Variants in NRXN1 observed in about 807,000 individuals in gnomAD.
NRXN1 encodes the protein neurexin-1.
A neutral mutation model predicts 150.9 loss-of-function variants in NRXN1; 39 were observed. That is an observed-to-expected ratio of 0.26 (90% CI 0.20 to 0.34). The LOEUF is 0.34. NRXN1 is among the 10% of genes least tolerant of loss of function. The pLI is 1.00. For missense variants in NRXN1, 1,815 were observed against 1,949.9 expected (o/e 0.93, Z 1.30); for synonymous variants, 924 against 757.0 (o/e 1.22, Z -3.62).
intron 17 of NRXN1, among the ~76,000 whole-genome samples, chr2:50,426,586 G>C (rs1465405615): frequency 6.6e-6 from 1 of 152,174 alleles, no homozygotes; most frequent in African/African-American, 2.4e-5. Context: ...GCATATCTGA[G>C]TTCTTCCAGG....
At position 50,664,396 on chromosome 2, in the gene NRXN1, CGTGTGTGT is replaced by C. The variant is rs35702112; in HGVS notation, c.833-40789_833-40782del. ...ACTTTTGAGAATTCAAAGTTTAAAG[CGTGTGTGT>C]GTGTGTGTGTGTGTGTGTGTGTGTG... On this transcript the variant is annotated intron_variant, in intron 5 of 22. Transcript: ENST00000401669. 4.5e-3 allele frequency among the ~76,000 whole-genome samples: 489 copies of C among 108,070 alleles called. 2 individuals carry two copies. The highest frequency in any genetic ancestry group is 0.015 in the African/African-American group (430 of 29,030). The allele number at this position is 108,070 out of a possible 152,430, so 70.9% of individuals were successfully genotyped here.
At chr2:50,249,182 G>A (rs2066803778) in intron 17 of NRXN1, among the ~76,000 whole-genome samples, 1 of 150,890 alleles carries the variant, frequency 6.6e-6, no homozygotes, top group Admixed American at 6.6e-5. Flanking sequence ...ATGAAATATT[G>A]TGGTTATGAT....
chr2:50,032,719 T>C (rs1689362506), intron 21 of NRXN1, among the ~76,000 whole-genome samples: 1 of 151,802 alleles, frequency 6.6e-6, no homozygotes, highest in Non-Finnish European at 1.5e-5. Context: ...GGTGTCCTTA[T>C]GAGAATAAAA....
At chr2:50,596,820 TG>T (rs531476599) in intron 8 of NRXN1, among the ~76,000 whole-genome samples, 104 of 151,206 alleles carry the variant, frequency 6.9e-4, no homozygotes, top group African/African-American at 2.5e-3. Flanking sequence ...CTATTTGGAT[TG>T]CTCCTCAGGT....
At chr2:50,632,575 C>A (rs1159706353) in intron 5 of NRXN1, 2 of 151,912 alleles carry the variant, frequency 1.3e-5, no homozygotes, top group Non-Finnish European at 1.5e-5. Context: ...GTATTGTAAC[C>A]CGATCCCCAA....
intron 21 of NRXN1, among the ~76,000 whole-genome samples, chr2:50,042,015 T>A (rs1691050026): frequency 6.6e-6 from 1 of 152,224 alleles, no homozygotes; most frequent in East Asian, 1.9e-4. Context: ...TAAATTGAAA[T>A]GGGAATTTTG....
chr2:50,195,488 T>G (rs2152827584), intron 18 of NRXN1, among the ~76,000 whole-genome samples: 1 of 152,312 alleles, frequency 6.6e-6, no homozygotes, highest in Middle Eastern at 3.4e-3. Flanking sequence ...ATTATAACAC[T>G]TTTTTCTTTT....
chr2:49,965,993 A>G (rs1481752634), intron 21 of NRXN1, among the ~76,000 whole-genome samples: 2 of 152,186 alleles, frequency 1.3e-5, no homozygotes, highest in Non-Finnish European at 2.9e-5. Context: ...ATTTTACACC[A>G]CAGTGTTCTT....
rs183268514 is a variant in NRXN1 at position 50,742,978 on chromosome 2, G to A, written c.833-119363C>T. ...AACAAGTGAAGAGACAATGTTCAAG[G>A]TCACTAGAACTTGCTGTAGCACATG... On this transcript the variant is annotated intron_variant, in intron 5 of 22. Transcript: ENST00000401669. Among the ~76,000 whole-genome samples, 236 of 152,242 alleles carry A rather than the reference G, an allele frequency of 1.6e-3. 2 individuals are homozygous for A. Among genetic ancestry groups the A allele is most frequent in the Non-Finnish European group, 2.6e-3 (176 of 68,016 alleles).
chr2:50,259,524 G>A (rs2068042487), intron 17 of NRXN1, among the ~76,000 whole-genome samples: 1 of 151,734 alleles, frequency 6.6e-6, no homozygotes, highest in African/African-American at 2.4e-5. Context: ...TTAGTATCCT[G>A]CTAATTAATC....
intron 17 of NRXN1, among the ~76,000 whole-genome samples, chr2:50,298,787 T>G (rs930797586): frequency 6.6e-6 from 1 of 152,214 alleles, no homozygotes; most frequent in Non-Finnish European, 1.5e-5. Context: ...TGTAGCTTAG[T>G]TGTCTGTGGA....
chr2:50,700,797 G>C (rs963004060), intron 5 of NRXN1, among the ~76,000 whole-genome samples: 1 of 148,350 alleles, frequency 6.7e-6, no homozygotes, highest in Non-Finnish European at 1.5e-5. Context: ...AAAGAGCTGG[G>C]ATCAAGATTT....
intron 5 of NRXN1, among the ~76,000 whole-genome samples, chr2:50,880,998 G>C (rs1190539731): frequency 1.3e-5 from 2 of 151,874 alleles, no homozygotes; most frequent in African/African-American, 4.8e-5. Flanking sequence ...AAGAGATATA[G>C]ACCAGATTTG....
At chr2:50,962,984 CT>C (rs1693453523) in intron 2 of NRXN1, among the ~76,000 whole-genome samples, 1 of 151,632 alleles carries the variant, frequency 6.6e-6, no homozygotes, top group South Asian at 2.1e-4. Flanking sequence ...TAAGGAATGT[CT>C]CTCTGAAGTA....
intron 5 of NRXN1, among the ~76,000 whole-genome samples, chr2:50,723,275 A>G (rs1167577715): frequency 3.3e-5 from 5 of 152,188 alleles, no homozygotes; most frequent in Non-Finnish European, 7.3e-5. Context: ...ATATTTGACC[A>G]CAGTCTAAAA....
intron 9 of NRXN1, among the ~76,000 whole-genome samples, chr2:50,540,889 T>C (rs1324173377): frequency 6.6e-6 from 1 of 152,172 alleles, no homozygotes; most frequent in East Asian, 1.9e-4. Context: ...CTTGAATTCA[T>C]GGCCTCAAGT....
chr2:50,626,542 A>C (rs1681111890), intron 5 of NRXN1, among the ~76,000 whole-genome samples: 2 of 151,984 alleles, frequency 1.3e-5, no homozygotes, highest in Non-Finnish European at 2.9e-5. Flanking sequence ...TAGTCAATAA[A>C]GGTTACTGGG....
intron 5 of NRXN1, among the ~76,000 whole-genome samples, chr2:50,905,618 C>G (rs1177354767): frequency 1.3e-5 from 2 of 152,080 alleles, no homozygotes; most frequent in Admixed American, 1.3e-4. Flanking sequence ...ACTGTTCTTT[C>G]TTTCAGGTGT....
At chr2:50,781,846 T>C (rs533580444) in intron 5 of NRXN1, among the ~76,000 whole-genome samples, 1 of 152,298 alleles carries the variant, frequency 6.6e-6, no homozygotes, top group South Asian at 2.1e-4. Flanking sequence ...GGTTGAGTTA[T>C]TCAGCATGCT....
Sources: allele counts gnomAD v4.1 joint callset (sites outside exome capture counted in the v4.1 genomes callset), GRCh38; gene constraint gnomAD v4.1.1; transcripts MANE v1.5; gene names NCBI Gene and HGNC (gene_info 2026-07-23, HGNC 2026-07-21).